Variants in CACNA1C observed in about 807,000 individuals in gnomAD.
CACNA1C encodes the protein voltage-dependent L-type calcium channel subunit alpha-1C.
CACNA1C carries 30 observed loss-of-function variants against 229.0 expected under a neutral mutation model. The ratio of observed to expected loss-of-function variants is 0.13; its 90% CI spans 0.10 to 0.18. CACNA1C has a LOEUF of 0.18. CACNA1C is among the 10% of genes least tolerant of loss of function. The pLI, the probability that CACNA1C is intolerant of heterozygous loss-of-function variation, is 1.00. For missense variants in CACNA1C, 1,658 were observed against 2,845.0 expected (o/e 0.58, Z 9.49); for synonymous variants, 1,114 against 1,132.5 (o/e 0.98, Z 0.33).
rs148832077 is a variant in CACNA1C, at chr12:2,205,737, G to A, written c.477+85307G>A. On this transcript the variant is annotated intron_variant, in intron 3 of 46. Transcript: ENST00000399655. ...GCTCAGGCTCCTATAACAAAATACC[G>A]CAGTGGGGGGACTACAAAGACGGAA... is the stretch of plus-strand genomic sequence containing the variant. Among the ~76,000 whole-genome samples the A allele has an allele frequency of 2.1e-3, 319 of 152,220 alleles. 1 individual carries two copies. Among genetic ancestry groups the A allele is most frequent in the African/African-American group, 7.2e-3 (298 of 41,536 alleles).
intron 3 of CACNA1C, among the ~76,000 whole-genome samples, chr12:2,422,205 A>G (rs1015788623): frequency 6.9e-4 from 105 of 152,346 alleles, no homozygotes; most frequent in African/African-American, 2.5e-3. Flanking sequence ...TACCATAGAA[A>G]CAATTATTCA....
intron 9 of CACNA1C, among the ~76,000 whole-genome samples, chr12:2,521,030 T>C (rs1208835420): frequency 2.0e-5 from 3 of 152,250 alleles, no homozygotes; most frequent in Admixed American, 1.3e-4. Context: ...AGACGCCTAC[T>C]TGACTTTAGG....
chr12:2,413,971 C>A (rs1283091053), intron 3 of CACNA1C, among the ~76,000 whole-genome samples: 2 of 152,118 alleles, frequency 1.3e-5, no homozygotes, highest in Non-Finnish European at 2.9e-5. Flanking sequence ...TAAATAACCC[C>A]CCACCCAAGG....
At chr12:2,153,540 G>A (rs2095402472) in intron 3 of CACNA1C, among the ~76,000 whole-genome samples, 1 of 152,076 alleles carries the variant, frequency 6.6e-6, no homozygotes, top group Admixed American at 6.6e-5. Flanking sequence ...ACCACTCTGG[G>A]AACCTCATAT....
chr12:2,594,779 C>T (rs1437786724), intron 19 of CACNA1C, among the ~76,000 whole-genome samples: 1 of 152,210 alleles, frequency 6.6e-6, no homozygotes, highest in Non-Finnish European at 1.5e-5. Context: ...ACTTCCTCTT[C>T]ATTTGTGAGA....
chr12:2,533,187 T>C (rs1050515685), intron 9 of CACNA1C, among the ~76,000 whole-genome samples: 2 of 152,168 alleles, frequency 1.3e-5, no homozygotes, highest in Admixed American at 1.3e-4. Context: ...TCTGTTCTTT[T>C]TGCACTTTTG....
At chr12:2,496,777 G>C (rs1323726183) in intron 7 of CACNA1C, among the ~76,000 whole-genome samples, 1 of 152,230 alleles carries the variant, frequency 6.6e-6, no homozygotes, top group Non-Finnish European at 1.5e-5. Context: ...TGTTTGAGGA[G>C]TGTGCAGATG....
In CACNA1C at chr12:2,004,417, C is replaced by T. The variant is rs777796436; in HGVS notation, c.139+33216C>T. The T allele has an allele frequency of 9.3e-6, 15 of 1,610,090 alleles. No individual in the cohort carries two copies. In the South Asian group the frequency reaches 1.2e-4, roughly 13 times the overall value. On this transcript the variant is annotated intron_variant, in intron 1 of 46. Transcript: ENST00000682462. ...GCCCCTTTCCCACCAGGCCGCCTGCCGCCACGGCTGCCATCTTCCCTCCCT... is the reference window on the plus strand; with the variant it reads ...GCCCCTTTCCCACCAGGCCGCCTGCTGCCACGGCTGCCATCTTCCCTCCCT...
intron 3 of CACNA1C, among the ~76,000 whole-genome samples, chr12:2,172,307 C>T (rs905571776): frequency 2.6e-5 from 4 of 152,220 alleles, no homozygotes; most frequent in African/African-American, 9.6e-5. Context: ...GAGCCAGAGG[C>T]TCTATCCTGC....
At chr12:2,395,210 T>TG (rs2098549685) in intron 3 of CACNA1C, among the ~76,000 whole-genome samples, 1 of 44,656 alleles carries the variant, frequency 2.2e-5, no homozygotes, top group Non-Finnish European at 5.4e-5. Flanking sequence ...TTTCTCTAGC[T>TG]TTTTTTTTTT....
chr12:2,416,554 C>T (rs1009793594), intron 3 of CACNA1C, among the ~76,000 whole-genome samples: 1 of 152,208 alleles, frequency 6.6e-6, no homozygotes, highest in Admixed American at 6.5e-5. Flanking sequence ...CCAGGTCAAA[C>T]CACTAGTAAG....
rs139689213 is a variant in CACNA1C at position 2,621,428 on chromosome 12, C to T, written c.3828+9415C>T. Among the ~76,000 whole-genome samples the T allele has an allele frequency of 7.9e-5, 12 of 152,256 alleles. No homozygotes were observed. In the East Asian group the frequency reaches 1.2e-3, roughly 15 times the overall value. Reference sequence around the variant, plus strand: ...AGCTCGCTCTGGAAACTGAGAGTGGCGCGTGAAAAGGACTGTGCCAGAGCG... The same window carrying T: ...AGCTCGCTCTGGAAACTGAGAGTGGTGCGTGAAAAGGACTGTGCCAGAGCG... On this transcript the variant is annotated intron_variant, in intron 29 of 46. Coordinates refer to ENST00000399655, the MANE Select transcript of CACNA1C (RefSeq NM_000719.7).
chr12:2,491,403 T>A (rs1003663962), intron 6 of CACNA1C, among the ~76,000 whole-genome samples: 39 of 149,992 alleles, frequency 2.6e-4, no homozygotes, highest in African/African-American at 9.1e-4. Context: ...GCTGATGGGG[T>A]CAGTGGGAGA....
intron 30 of CACNA1C, among the ~76,000 whole-genome samples, chr12:2,645,536 AAT>A (rs1264250717): frequency 1.3e-5 from 2 of 152,214 alleles, no homozygotes; most frequent in African/African-American, 4.8e-5. Context: ...CAGCAAGTCC[AAT>A]CTCTCCTTCC....
rs1230377618 is a variant in CACNA1C at position 2,319,729 on chromosome 12, G to A, written c.478-129247G>A. Among the ~76,000 whole-genome samples, 1 of 152,136 alleles carries A rather than the reference G, an allele frequency of 6.6e-6. No individual in the cohort carries two copies. The highest frequency in any genetic ancestry group is 1.5e-5 in the Non-Finnish European group (1 of 68,030). ...TCTGCAAATGTTGGTGCTCACGGGG[G>A]TGTGCTGGGCCGGGAGAGGATGAGC... is the stretch of plus-strand genomic sequence containing the variant. On this transcript the variant is annotated intron_variant, in intron 3 of 46. Coordinates refer to ENST00000399655, the MANE Select transcript of CACNA1C (RefSeq NM_000719.7). This position sits in a 1 kb window ranked among gnomAD's most constrained non-coding sequence, Gnocchi z 4.0.
At chr12:2,513,162 G>C (rs2099788527) in intron 9 of CACNA1C, among the ~76,000 whole-genome samples, 178 bp downstream of exon 9, 1 of 152,180 alleles carries the variant, frequency 6.6e-6, no homozygotes, top group African/African-American at 2.4e-5. Context: ...GGTCACATGT[G>C]GGAAATCATA....
chr12:2,303,753 C>T (rs954839537), intron 3 of CACNA1C, among the ~76,000 whole-genome samples: 1 of 152,188 alleles, frequency 6.6e-6, no homozygotes, highest in Non-Finnish European at 1.5e-5. Flanking sequence ...CAAGGCTGCT[C>T]TGCAAGGCTG....
intron 3 of CACNA1C, among the ~76,000 whole-genome samples, chr12:2,308,623 T>A (rs1371558252): frequency 6.6e-6 from 1 of 152,232 alleles, no homozygotes; most frequent in East Asian, 1.9e-4. Flanking sequence ...GTGTGATGCC[T>A]CCAGCTTCGT....
At chr12:2,363,579 C>T (rs1380237422) in intron 3 of CACNA1C, among the ~76,000 whole-genome samples, 1 of 152,138 alleles carries the variant, frequency 6.6e-6, no homozygotes, top group Non-Finnish European at 1.5e-5. Context: ...TCCACAGTGC[C>T]CACCCCACCC....
Sources: gnomAD v4.1 joint callset for allele counts (sites outside exome capture counted in the v4.1 genomes callset) on GRCh38, gnomAD v4.1.1 for gene constraint, Gnocchi (gnomAD v3.1) non-coding constraint, MANE v1.5 for transcripts, NCBI Gene and HGNC (gene_info 2026-07-23, HGNC 2026-07-21) for gene names.